The following ABCA13 variants were observed in gnomAD, a reference collection of about 807,000 sequenced individuals.
ABCA13 encodes the protein ATP binding cassette subfamily A member 13.
ABCA13 carries 476 observed loss-of-function variants against 478.7 expected under a neutral mutation model. The ratio of observed to expected loss-of-function variants is 0.99; its 90% CI spans 0.92 to 1.07. The LOEUF (loss-of-function observed/expected upper bound fraction) is 1.07, where lower values mean the gene tolerates loss of function less well. Among genes scored for constraint, ABCA13 ranks in the 50% least tolerant of loss-of-function variants. The probability of loss-of-function intolerance (pLI) is 0.00; values close to 1 mark genes in which losing one functional copy is unlikely to be tolerated. For synonymous variants in ABCA13, 2,252 were observed against 2,158.9 expected, an observed-to-expected ratio of 1.04 and a Z score of -1.20; for missense variants, 6,060 against 5,910.6, an observed-to-expected ratio of 1.03 and a Z score of -0.83.
chr7:48,201,373 C>A (rs1430613203), intron 3 of ABCA13, among the ~76,000 whole-genome samples: 1 of 152,180 alleles, frequency 6.6e-6, no homozygotes, highest in Non-Finnish European at 1.5e-5. Context: ...AGCTGTTACG[C>A]TCTCGGGCAT....
intron 21 of ABCA13, among the ~76,000 whole-genome samples, chr7:48,296,491 G>A (rs1428366808): frequency 6.8e-6 from 1 of 147,172 alleles, no homozygotes; most frequent in African/African-American, 2.5e-5. Flanking sequence ...ATGGAGTCTC[G>A]CTCTGTTGCC....
intron 35 of ABCA13, among the ~76,000 whole-genome samples, chr7:48,382,750 CT>C (rs1814587603): frequency 6.8e-6 from 1 of 147,142 alleles, no homozygotes; most frequent in Admixed American, 6.8e-5. Context: ...ATCTTGTATT[CT>C]TCTCTCAATG....
intron 55 of ABCA13, among the ~76,000 whole-genome samples, chr7:48,545,256 G>C (rs1008413298): frequency 6.6e-6 from 1 of 151,764 alleles, no homozygotes; most frequent in Non-Finnish European, 1.5e-5. Context: ...TACTGAAGGG[G>C]TAGGATCTAG....
At chr7:48,570,722 A>G (rs1046691684) in intron 55 of ABCA13, among the ~76,000 whole-genome samples, 26 of 152,160 alleles carry the variant, frequency 1.7e-4, no homozygotes, top group African/African-American at 5.8e-4. Context: ...CAGTCTGCCA[A>G]TCTATGAATT....
chr7:48,456,023 G>A (rs4917140), intron 43 of ABCA13, among the ~76,000 whole-genome samples: 31 of 152,206 alleles, frequency 2.0e-4, no homozygotes, highest in Non-Finnish European at 3.7e-4. Context: ...TGCCGGGCAC[G>A]GCCATGGCTG....
rs773559931 is a variant in ABCA13 at position 48,198,283 on chromosome 7, T to C, written c.210T>C (p.Phe70=). The change falls in exon 3 of 62, where the codon TTT becomes TTC. Residue 70 remains phenylalanine (F), a synonymous_variant. Transcript: ENST00000435803. The part of the protein sequence containing the change: ...RDLPSCGVIP[F]VQSLLCNTGS... ...TACCCAGCTGTGGTGTTATCCCCTT[T>C]GTTCAAAGCCTTCTTTGTAACACTG... The C allele has an allele frequency of 6.8e-6, 11 of 1,613,670 alleles. No homozygotes were observed. In the African/African-American group the frequency reaches 1.3e-4, roughly 20 times the overall value.
chr7:48,617,436 G>A (rs941052275), intron 59 of ABCA13, among the ~76,000 whole-genome samples: 2 of 152,216 alleles, frequency 1.3e-5, no homozygotes, highest in African/African-American at 4.8e-5. Context: ...CTGAATTTGG[G>A]CAGGGATCTG....
chr7:48,629,937 G>A (rs1479183500), intron 59 of ABCA13, among the ~76,000 whole-genome samples: 5 of 152,084 alleles, frequency 3.3e-5, no homozygotes, highest in Non-Finnish European at 5.9e-5. Context: ...GAGAAGAATT[G>A]GGGCAATATT....
intron 59 of ABCA13, among the ~76,000 whole-genome samples, chr7:48,620,146 C>T (rs528190717): frequency 6.6e-6 from 1 of 151,564 alleles, no homozygotes; most frequent in South Asian, 2.1e-4. Context: ...GAGGAGGAGG[C>T]CTTTTTTAGT....
At position 48,372,406 on chromosome 7, in the gene ABCA13, G is replaced by C; in HGVS notation, c.11042G>C (p.Cys3681Ser). ...FFSQANTAAL[C>S]TSLVYMISFL... The stretch of plus-strand genomic sequence containing the variant: ...AGCCAAGCTAATACAGCGGCCCTTT[G>C]TACCAGCCTGGTGTACATGATCAGC... Residue 3681 changes from cysteine (C) to serine (S), a missense_variant, in exon 33 of 62, where the codon TGT becomes TCT. By Grantham distance (112) the Cys-to-Ser change is moderately radical (BLOSUM62 -1). This residue lies in a region of ABCA13 where 4,423 missense variants were observed against 4,309.1 expected (regional missense o/e 1.03). Transcript: ENST00000435803. 1 of 1,613,158 alleles carries C rather than the reference G, an allele frequency of 6.2e-7. No homozygotes were observed. Among genetic ancestry groups the C allele is most frequent in the Non-Finnish European group, 8.5e-7 (1 of 1,179,812 alleles).
At chr7:48,476,489 G>C (rs1476882173) in intron 45 of ABCA13, among the ~76,000 whole-genome samples, 1 of 152,122 alleles carries the variant, frequency 6.6e-6, no homozygotes, top group East Asian at 1.9e-4. Flanking sequence ...TTAAAGAAAG[G>C]GTTTGGAATG....
intron 41 of ABCA13, among the ~76,000 whole-genome samples, chr7:48,413,792 A>G (rs1819585410): frequency 2.6e-5 from 4 of 152,238 alleles, no homozygotes; most frequent in Admixed American, 2.6e-4. Flanking sequence ...AAAAAATATT[A>G]CAAAATGCTT....
chr7:48,248,878 T>A (rs985803567), intron 14 of ABCA13, among the ~76,000 whole-genome samples: 3 of 152,226 alleles, frequency 2.0e-5, no homozygotes, highest in African/African-American at 7.2e-5. Context: ...ATGTTCTTCG[T>A]CAAATATGTC....
intron 1 of ABCA13, among the ~76,000 whole-genome samples, chr7:48,187,362 C>T (rs1257241409): frequency 6.7e-6 from 1 of 148,956 alleles, no homozygotes; most frequent in Non-Finnish European, 1.5e-5. Flanking sequence ...AGTTTAACTA[C>T]AGCTTATTTT....
At chr7:48,456,076 A>G (rs963896028) in intron 43 of ABCA13, among the ~76,000 whole-genome samples, 2 of 152,254 alleles carry the variant, frequency 1.3e-5, no homozygotes, top group Non-Finnish European at 2.9e-5. Context: ...ATCGTCTTCA[A>G]GGTGGCTACA....
At chr7:48,604,543 G>C (rs1236146082) in intron 58 of ABCA13, among the ~76,000 whole-genome samples, 1 of 152,180 alleles carries the variant, frequency 6.6e-6, no homozygotes, top group Non-Finnish European at 1.5e-5. Context: ...GTGCGGTTTT[G>C]AGTGAGTTTC....
chr7:48,495,561 G>A (rs529392734), intron 48 of ABCA13, among the ~76,000 whole-genome samples: 2 of 152,236 alleles, frequency 1.3e-5, no homozygotes, highest in African/African-American at 4.8e-5. Context: ...GGTTGATTGT[G>A]TGGTTTTGTT....
intron 43 of ABCA13, among the ~76,000 whole-genome samples, chr7:48,464,909 AGGGAGGACTTATTAT>A (rs1826695453): frequency 6.6e-6 from 1 of 152,200 alleles, no homozygotes; most frequent in African/African-American, 2.4e-5. Flanking sequence ...CAGAGGAGGC[AGGGAGGACTTATTAT>A]GGAATCGGTG....
intron 31 of ABCA13, among the ~76,000 whole-genome samples, chr7:48,359,822 C>T (rs910414114): frequency 3.3e-5 from 5 of 152,008 alleles, no homozygotes; most frequent in African/African-American, 7.3e-5. Context: ...TGGTCCAACA[C>T]GCCCATGACT....
Sources: gnomAD v4.1 joint callset for allele counts (sites outside exome capture counted in the v4.1 genomes callset) on GRCh38, gnomAD v4.1.1 for gene constraint, gnomAD v4.1.1 regional missense constraint, MANE v1.5 for transcripts, NCBI Gene and HGNC (gene_info 2026-07-23, HGNC 2026-07-21) for gene names.